The following NLRC3 variants were observed in gnomAD, a reference collection of about 807,000 sequenced individuals.
NLRC3 encodes the protein NLR family CARD domain-containing protein 3.
A neutral mutation model predicts 91.6 loss-of-function variants in NLRC3; 87 were observed. The observed-to-expected ratio is 0.95, with a 90% CI of 0.80 to 1.14. NLRC3 has a LOEUF of 1.14. Among genes scored for constraint, NLRC3 ranks in the 50% most tolerant of loss-of-function variants. The pLI is 0.00. For synonymous variants in NLRC3, 694 were observed against 625.3 expected (o/e 1.11, Z -1.64); for missense variants, 1,577 against 1,418.6 (o/e 1.11, Z -1.79).
chr16:3,569,406 T>TTTA (rs2040017019), intron 1 of NLRC3, among the ~76,000 whole-genome samples: 1 of 107,340 alleles, frequency 9.3e-6, no homozygotes, highest in African/African-American at 4.2e-5. Context: ...TATTTTTTTT[T>TTTA]TTTTTTTTTT....
At chr16:3,561,857 G>C in intron 5 of NLRC3, 69 bp from the exon 6 acceptor site, 6 of 1,084,398 alleles carry the variant, frequency 5.5e-6, no homozygotes, top group Non-Finnish European at 8.6e-6. Context: ...CCTGGCCCGG[G>C]GCCTCTGCCT....
At position 3,569,397 on chromosome 16, in the gene NLRC3, A is replaced by ATTTTTTTTT. The variant is rs1203778704; in HGVS notation, c.-168-2082_-168-2074dup. On this transcript the variant is annotated intron_variant, in intron 1 of 19. Transcript: ENST00000359128. ...ATATATATATATATATATATATATT[A>ATTTTTTTTT]TTTTTTTTTTTTTTTTTTTTTTTTG... 2.9e-4 allele frequency among the ~76,000 whole-genome samples: 12 copies of ATTTTTTTTT among 41,060 alleles called. 1 individual carries two copies. The highest frequency in any genetic ancestry group is 1.4e-3 in the African/African-American group (11 of 8,074). The allele number at this position is 41,060 out of a possible 152,430, so 26.9% of individuals were successfully genotyped here. A position where few individuals can be genotyped will look rare whatever the true frequency, so the allele number is the denominator to read the frequency against.
intron 1 of NLRC3, among the ~76,000 whole-genome samples, chr16:3,568,957 A>C (rs2039987146): frequency 1.3e-5 from 2 of 152,344 alleles, no homozygotes; most frequent in South Asian, 4.1e-4. Context: ...ATGTCTCATC[A>C]ACATATTAAA....
intron 6 of NLRC3, 50 bp downstream of exon 6, chr16:3,561,652 A>C: frequency 2.3e-6 from 3 of 1,279,932 alleles, no homozygotes; most frequent in Non-Finnish European, 3.4e-6. Context: ...AGAGGGTTCC[A>C]TACCCCACAA....
Position 3,548,705 on chromosome 16 carries a change from CACT to C in NLRC3, c.2649_2651del (p.Val884del). The C allele has an allele frequency of 6.2e-7, 1 of 1,601,908 alleles. No individual in the cohort carries two copies. The highest frequency in any genetic ancestry group is 1.1e-5 in the South Asian group (1 of 88,280). ...TGAGGGTGCGGTTTTCTCTCACTGC[CACT>C]GCGATGGCCCGGGCACCCTGGTCGT... On this transcript the variant is annotated inframe_deletion, in exon 14 of 20. Coordinates refer to ENST00000359128, the MANE Select transcript of NLRC3 (RefSeq NM_178844.4).
chr16:3,555,229 CAAAAAAA>C (rs149218240), intron 8 of NLRC3, among the ~76,000 whole-genome samples: 1 of 82,454 alleles, frequency 1.2e-5, no homozygotes. Context: ...GACTCCGTCT[CAAAAAAA>C]AAAAAAAAAA....
intron 15 of NLRC3, among the ~76,000 whole-genome samples, chr16:3,546,432 C>T (rs991672121): frequency 1.3e-5 from 2 of 151,508 alleles, no homozygotes; most frequent in Non-Finnish European, 2.9e-5. Flanking sequence ...TGTTGGGCAC[C>T]TGTAATCCCA....
intron 1 of NLRC3, among the ~76,000 whole-genome samples, chr16:3,572,458 T>G (rs1257263934): frequency 1.3e-5 from 2 of 152,136 alleles, no homozygotes; most frequent in Non-Finnish European, 2.9e-5. Flanking sequence ...CAGCTAATTT[T>G]TGTATTTTTT....
At chr16:3,557,509 C>G in intron 7 of NLRC3, 84 bp downstream of exon 7, 1 of 789,104 alleles carries the variant, frequency 1.3e-6, no homozygotes, top group Non-Finnish European at 2.2e-6. Flanking sequence ...AAGTCATTTC[C>G]TAGGAGGGAG....
At chr16:3,558,681 G>A (rs1262142002) in intron 6 of NLRC3, among the ~76,000 whole-genome samples, 1 of 152,068 alleles carries the variant, frequency 6.6e-6, no homozygotes, top group Non-Finnish European at 1.5e-5. Context: ...CATGTATCCA[G>A]CTGCAGAAAT....
At position 3,543,439 on chromosome 16, in the gene NLRC3, G is replaced by A; in HGVS notation, c.2925C>T (p.Thr975=). 1 of 1,611,646 alleles carries A rather than the reference G, an allele frequency of 6.2e-7. No homozygotes were observed. Residue 975 remains threonine, a synonymous_variant, in exon 17 of 20, where the codon ACC becomes ACT. Coordinates refer to ENST00000359128, the MANE Select transcript of NLRC3 (RefSeq NM_178844.4). The stretch of plus-strand genomic sequence containing the variant: ...GGAATACTTACTCGAGAATCTCCAA[G>A]GTTCTGTTCACAGCCAAGGCTTCCC... ...VLGEALAVNR[T]LEILDLRGNA...
chr16:3,544,174 A>AG (rs1430457718), intron 16 of NLRC3, 72 bp downstream of exon 16: 33 of 925,208 alleles, frequency 3.6e-5, no homozygotes, highest in Admixed American at 3.1e-4. Flanking sequence ...AAAAAAAAAA[A>AG]AAAAAGACCT....
intron 19 of NLRC3, 71 bp downstream of exon 19, chr16:3,542,120 G>T: frequency 2.6e-6 from 3 of 1,152,166 alleles, no homozygotes; most frequent in Non-Finnish European, 2.6e-6. Context: ...CTGGCTCTCA[G>T]AACTGGGCAA....
intron 2 of NLRC3, among the ~76,000 whole-genome samples, chr16:3,566,403 C>T (rs527955367): frequency 5.9e-5 from 9 of 152,048 alleles, no homozygotes; most frequent in African/African-American, 1.7e-4. Flanking sequence ...CCAGCCTGGC[C>T]GATATGGTGA....
chr16:3,569,891 T>C (rs890690595), intron 1 of NLRC3, among the ~76,000 whole-genome samples: 3 of 152,238 alleles, frequency 2.0e-5, no homozygotes, highest in African/African-American at 7.2e-5. Flanking sequence ...AGATTTATTT[T>C]GTTCTATTAC....
chr16:3,549,277 G>T, intron 12 of NLRC3, 52 bp from the exon 13 acceptor site: 6 of 1,319,476 alleles, frequency 4.5e-6, no homozygotes, highest in East Asian at 2.5e-5. Flanking sequence ...GAGGTGTCTG[G>T]CAAAGCCAAG....
In NLRC3 at chr16:3,574,783, G is replaced by A. The variant is rs561607577; in HGVS notation, c.-169+2366C>T. 9.4e-4 allele frequency among the ~76,000 whole-genome samples: 143 copies of A among 152,214 alleles called. 1 individual carries two copies. Among genetic ancestry groups the A allele is most frequent in the African/African-American group, 3.2e-3 (135 of 41,564 alleles). On this transcript the variant is annotated intron_variant, in intron 1 of 19. Coordinates refer to ENST00000359128, the MANE Select transcript of NLRC3 (RefSeq NM_178844.4). The stretch of plus-strand genomic sequence containing the variant: ...TCAAGACCAGCCTGACCAACATGGC[G>A]AAACCCCATCTCTACGAAAAATACA...
intron 13 of NLRC3, 79 bp downstream of exon 13, chr16:3,549,063 G>C: frequency 9.0e-7 from 1 of 1,109,806 alleles, no homozygotes; most frequent in South Asian, 1.3e-5. Context: ...ACGTGGCGAG[G>C]GTGCCCGTCA....
In NLRC3 at chr16:3,565,304, G is replaced by A. The variant is rs767134955; in HGVS notation, c.-25+15C>T. ...AACTGGGGCCCTGAGCTTGTACCCC[G>A]GCCCTGCCACTTACCAGATAGGTGA... On this transcript the variant is annotated intron_variant, in intron 3 of 19. Coordinates refer to ENST00000359128, the MANE Select transcript of NLRC3 (RefSeq NM_178844.4). 3.0e-6 allele frequency: 2 copies of A among 666,614 alleles called. No homozygotes were observed. The highest frequency in any genetic ancestry group is 5.5e-6 in the Non-Finnish European group (2 of 362,180). The allele number at this position is 666,614 out of a possible 1,614,324, so 41.3% of individuals were successfully genotyped here. A position where few individuals can be genotyped will look rare whatever the true frequency, so the allele number is the denominator to read the frequency against.
Sources: allele counts gnomAD v4.1 joint callset (sites outside exome capture counted in the v4.1 genomes callset), GRCh38; gene constraint gnomAD v4.1.1; transcripts MANE v1.5; gene names NCBI Gene and HGNC (gene_info 2026-07-23, HGNC 2026-07-21).